Variants in SPSB3 observed in about 807,000 individuals in gnomAD.
The protein encoded by SPSB3 is splA/ryanodine receptor domain and SOCS box containing 3.
In SPSB3, 18 loss-of-function variants were observed where a neutral mutation model predicts 29.5. The observed-to-expected ratio is 0.61, with a 90% confidence interval of 0.42 to 0.91. The LOEUF (loss-of-function observed/expected upper bound fraction) is 0.91. Among genes scored for constraint, SPSB3 ranks in the 40% least tolerant of loss-of-function variants. The pLI, the probability that SPSB3 is intolerant of heterozygous loss-of-function variation, is 0.00. For missense variants in SPSB3, 540 were observed against 507.5 expected, an observed-to-expected ratio of 1.06 and a Z score of -0.61; for synonymous variants, 299 against 214.1, an observed-to-expected ratio of 1.40 and a Z score of -3.46.
At chr16:1,777,723 G>C (rs771593541) in intron 6 of SPSB3, 24 bp downstream of exon 6, 2 of 1,609,606 alleles carry the variant, frequency 1.2e-6, no homozygotes, top group Non-Finnish European at 1.7e-6. Flanking sequence ...GCTGAGAGGA[G>C]CTCAAGTCCT....
rs967236895 is a variant in SPSB3 at position 1,782,510 on chromosome 16, C to G, written c.-21G>C. 6.5e-6 allele frequency: 1 copy of G among 152,868 alleles called. No individual in the cohort carries two copies. The allele number at this position is 152,868 out of a possible 1,614,324, so 9.5% of individuals were successfully genotyped here. A position where few individuals can be genotyped will look rare whatever the true frequency, so the allele number is the denominator to read the frequency against. On this transcript the variant is annotated 5_prime_UTR_variant, in exon 1 of 7. Coordinates refer to ENST00000566339, the MANE Select transcript of SPSB3 (RefSeq NM_080861.4). ...CGTGCCCCGCCACTCACCTGCAGCCCCCGCTGCGCGCTCCGCCGGCCCGGC... is the reference window on the plus strand; with the variant it reads ...CGTGCCCCGCCACTCACCTGCAGCCGCCGCTGCGCGCTCCGCCGGCCCGGC...
chr16:1,778,371 T>C, intron 3 of SPSB3, 50 bp from the exon 4 acceptor site: 1 of 1,609,306 alleles, frequency 6.2e-7, no homozygotes, highest in Non-Finnish European at 8.5e-7. Flanking sequence ...CATGGGGCTC[T>C]GCCCTGCCCA....
chr16:1,780,037 A>G (rs968729744), intron 2 of SPSB3: 1 of 151,970 alleles, frequency 6.6e-6, no homozygotes, highest in Non-Finnish European at 1.5e-5. Context: ...AGAGGAGCCC[A>G]CCCCTCCCAG....
At position 1,777,217 on chromosome 16, in the gene SPSB3, G is replaced by T; in HGVS notation, c.948C>A (p.Val316=). The T allele has an allele frequency of 6.2e-7, 1 of 1,610,600 alleles. No individual in the cohort carries two copies. The change falls in exon 7 of 7, where the codon GTC becomes GTA. Residue 316 remains valine, a synonymous_variant. Transcript: ENST00000566339. ...TGCGGCGGCTGCAACTCATGCTCAG[G>T]ACCCAGCCCAGCTTGTTGTGTAGCA... ...KQVLHNKLGW[V]LSMSCSRRKA...
At chr16:1,778,838 A>G (rs8055552) in intron 2 of SPSB3, 115,101 of 463,068 alleles carry the variant, frequency 0.25, 15,295 homozygotes, top group South Asian at 0.4. Context: ...GCCCAGCCAC[A>G]GAGCAGTAGC....
rs2042718087 is a variant in SPSB3, at chr16:1,776,713, G to T, written c.*384C>A. 6.3e-6 allele frequency: 2 copies of T among 318,134 alleles called. No homozygotes were observed. The highest frequency in any genetic ancestry group is 1.2e-5 in the Non-Finnish European group (2 of 171,258). The allele number at this position is 318,134 out of a possible 1,614,324, so 19.7% of individuals were successfully genotyped here. On this transcript the variant is annotated 3_prime_UTR_variant, in exon 7 of 7. Coordinates refer to ENST00000566339, the MANE Select transcript of SPSB3 (RefSeq NM_080861.4). ...GGATACGTTTCAGCTCACGCCATGT[G>T]GGTGTTAGACATCAACTCTACATTT...
chr16:1,777,915 T>TCGGCC, intron 5 of SPSB3, 31 bp downstream of exon 5: 1 of 1,611,784 alleles, frequency 6.2e-7, no homozygotes, highest in Non-Finnish European at 8.5e-7. Flanking sequence ...AGCTCCAGGC[T>TCGGCC]CGGCCCCGCC....
chr16:1,778,373 C>T, intron 3 of SPSB3, 52 bp from the exon 4 acceptor site: 1 of 1,608,014 alleles, frequency 6.2e-7, no homozygotes. Flanking sequence ...TGGGGCTCTG[C>T]CCTGCCCACC....
Position 1,778,442 on chromosome 16 carries a change from T to C in SPSB3, c.297A>G (p.Glu99=), listed in dbSNP as rs762992230. 3.7e-6 allele frequency: 6 copies of C among 1,609,476 alleles called. No homozygotes were observed. The highest frequency in any genetic ancestry group is 2.7e-5 in the African/African-American group (2 of 74,892). ...HRGRDCRCGE[E]DEYFDWVWDD... ...GCTGGGCCCCACGCTCACACTCGTC[T>C]TCCTCTCCGCAGCGGCAGTCCCTGC... Residue 99 remains glutamate, a synonymous_variant, in exon 3 of 7, where the codon GAA becomes GAG. Transcript: ENST00000566339.
intron 2 of SPSB3, 194 bp downstream of exon 2, chr16:1,781,164 G>T: frequency 6.5e-7 from 1 of 1,531,108 alleles, no homozygotes; most frequent in Admixed American, 2.0e-5. Flanking sequence ...GAGGCTGTGT[G>T]TGTCCTTTGC....
intron 2 of SPSB3, 148 bp downstream of exon 2, chr16:1,781,210 G>A (rs1007203167): frequency 1.2e-5 from 19 of 1,568,868 alleles, no homozygotes; most frequent in Non-Finnish European, 1.5e-5. Flanking sequence ...GGTGCATCCA[G>A]GAGACAGGCC....
chr16:1,779,084 A>G (rs1320122852), intron 2 of SPSB3: 1 of 156,904 alleles, frequency 6.4e-6, no homozygotes, highest in African/African-American at 2.4e-5. Context: ...CTGGCTCACC[A>G]CAGGGTCCTA....
Position 1,776,725 on chromosome 16 carries a change from T to A in SPSB3, c.*372A>T. 1 of 330,802 alleles carries A rather than the reference T, an allele frequency of 3.0e-6. No homozygotes were observed. The highest frequency in any genetic ancestry group is 5.6e-6 in the Non-Finnish European group (1 of 178,980). The allele number at this position is 330,802 out of a possible 1,614,324, so 20.5% of individuals were successfully genotyped here. A position where few individuals can be genotyped will look rare whatever the true frequency, so the allele number is the denominator to read the frequency against. On this transcript the variant is annotated 3_prime_UTR_variant, in exon 7 of 7. Transcript: ENST00000566339. ...GCTCACGCCATGTGGGTGTTAGACA[T>A]CAACTCTACATTTATTGCAGTCCTT...
At chr16:1,781,308 C>T (rs1896700428) in intron 2 of SPSB3, 50 bp downstream of exon 2, 1 of 1,612,646 alleles carries the variant, frequency 6.2e-7, no homozygotes, top group African/African-American at 1.3e-5. Flanking sequence ...CTGCCTAGGG[C>T]ATCTCCACAC....
chr16:1,781,740 CCT>C (rs1012942867), intron 1 of SPSB3: 7 of 535,784 alleles, frequency 1.3e-5, no homozygotes, highest in African/African-American at 1.1e-4. Context: ...AATCCCAGCC[CCT>C]CTCTCCGGTT....
rs2042746816 is a variant in SPSB3 at position 1,778,421 on chromosome 16, G to C, written c.304+14C>G. The C allele has an allele frequency of 1.9e-6, 3 of 1,606,764 alleles. No homozygotes were observed. Among genetic ancestry groups the C allele is most frequent in the Non-Finnish European group, 2.5e-6 (3 of 1,176,862 alleles). On this transcript the variant is annotated intron_variant, in intron 3 of 6. Transcript: ENST00000566339. ...CGCAGTGCAGTCCCAGCAGGGGCTG[G>C]GCCCCACGCTCACACTCGTCTTCCT...
Position 1,777,779 on chromosome 16 carries a change from G to A in SPSB3, c.689C>T (p.Thr230Ile), listed in dbSNP as rs754680053. ...IGVHLDTWHG[T>I]LTFFKNRKCI... ...CTTCCTGTTCTTGAAAAAGGTGAGT[G>A]TGCCGTGCCAGGTGTCCAGGTGCAC... The change falls in exon 6 of 7, where the codon ACA becomes ATA. Residue 230 changes from threonine (T) to isoleucine (I), a missense_variant. Coordinates refer to ENST00000566339, the MANE Select transcript of SPSB3 (RefSeq NM_080861.4). 1 of 1,612,848 alleles carries A rather than the reference G, an allele frequency of 6.2e-7. No individual in the cohort carries two copies. Among genetic ancestry groups the A allele is most frequent in the Non-Finnish European group, 8.5e-7 (1 of 1,179,934 alleles).
In SPSB3 at chr16:1,778,034, C is replaced by T. The variant is rs2141987354; in HGVS notation, c.507G>A (p.Gly169=). ...ATTTGTCCAGGTCCACATCCGACGTCCCGATGCCCACCATCTAGGAACAGG... is the reference window on the plus strand; with the variant it reads ...ATTTGTCCAGGTCCACATCCGACGTTCCGATGCCCACCATCTAGGAACAGG... ...VYGTDMMVGI[G]TSDVDLDKYR... Residue 169 remains glycine (G), a synonymous_variant, in exon 5 of 7, where the codon GGG becomes GGA. Transcript: ENST00000566339. 6.2e-7 allele frequency: 1 copy of T among 1,613,262 alleles called. No homozygotes were observed. Among genetic ancestry groups the T allele is most frequent in the Non-Finnish European group, 8.5e-7 (1 of 1,180,014 alleles).
rs775651913 is a variant in SPSB3 at position 1,778,419 on chromosome 16, T to TG, written c.304+15dup. ...CCCGCAGTGCAGTCCCAGCAGGGGC[T>TG]GGGCCCCACGCTCACACTCGTCTTC... On this transcript the variant is annotated intron_variant, in intron 3 of 6. Coordinates refer to ENST00000566339, the MANE Select transcript of SPSB3 (RefSeq NM_080861.4). 6.2e-7 allele frequency: 1 copy of TG among 1,606,058 alleles called. No homozygotes were observed. Among genetic ancestry groups the TG allele is most frequent in the South Asian group, 1.1e-5 (1 of 90,694 alleles).
Sources: gnomAD v4.1 joint callset for allele counts on GRCh38, gnomAD v4.1.1 for gene constraint, MANE v1.5 for transcripts, NCBI Gene and HGNC (gene_info 2026-07-23, HGNC 2026-07-21) for gene names.